The following MFN1 variants were observed in gnomAD, a reference collection of about 807,000 sequenced individuals.
MFN1 encodes mitofusin 1.
Under a neutral mutation model 92.4 loss-of-function variants are expected in MFN1, and 65 were observed. The observed-to-expected ratio is 0.70, with a 90% CI of 0.58 to 0.86. The LOEUF is 0.86. MFN1 is among the 40% of genes least tolerant of loss of function. The pLI, the probability that MFN1 is intolerant of heterozygous loss-of-function variation, is 0.00. For synonymous variants in MFN1, 297 were observed against 300.9 expected, an observed-to-expected ratio of 0.99 and a Z score of 0.13; for missense variants, 781 against 868.0, an observed-to-expected ratio of 0.90 and a Z score of 1.26.
intron 9 of MFN1, among the ~76,000 whole-genome samples, chr3:179,373,766 C>T (rs572710690): frequency 1.1e-4 from 16 of 152,034 alleles, no homozygotes; most frequent in African/African-American, 2.9e-4. Context: ...CTCCACCTTC[C>T]GGGTTCTCGC....
Position 179,351,976 on chromosome 3 carries a change from G to T in MFN1, c.189G>T (p.Lys63Asn). 6.2e-7 allele frequency: 1 copy of T among 1,610,140 alleles called. No homozygotes were observed. The highest frequency in any genetic ancestry group is 8.5e-7 in the Non-Finnish European group (1 of 1,177,136). The change falls in exon 3 of 18, where the codon AAG becomes AAT. Residue 63 changes from lysine to asparagine, a missense_variant. Coordinates refer to ENST00000471841, the MANE Select transcript of MFN1 (RefSeq NM_033540.3). Reference protein sequence around the residue: ...DLVEMQGYKDKLSIIGEVLSR... With the variant: ...DLVEMQGYKDNLSIIGEVLSR... Reference sequence around the variant, plus strand: ...TAGAAATGCAAGGATATAAAGACAAGCTTTCCATCATTGGTGAGGTGCTAT... The same window carrying T: ...TAGAAATGCAAGGATATAAAGACAATCTTTCCATCATTGGTGAGGTGCTAT...
chr3:179,367,579 G>A lies in MFN1; in HGVS notation c.894G>A (p.Gly298=). The stretch of plus-strand genomic sequence containing the variant: ...GTGCTAGAAAGCAAAAAGCACAGGG[G>A]ATGCCAGAAAGTGGTATGCATTACC... ...VLSARKQKAQ[G]MPESGVALAE... Residue 298 remains glycine (G), a synonymous_variant, in exon 8 of 18, where the codon GGG becomes GGA. Transcript: ENST00000471841. 1.2e-6 allele frequency: 2 copies of A among 1,609,492 alleles called. No homozygotes were observed. Among genetic ancestry groups the A allele is most frequent in the Middle Eastern group, 1.7e-4 (1 of 6,018 alleles).
At chr3:179,381,732 A>G (rs1713474309) in intron 14 of MFN1, among the ~76,000 whole-genome samples, 1 of 152,252 alleles carries the variant, frequency 6.6e-6, no homozygotes, top group Non-Finnish European at 1.5e-5. Context: ...GCACAAAATT[A>G]TTTAAATATT....
intron 4 of MFN1, among the ~76,000 whole-genome samples, chr3:179,359,463 C>T (rs897626749): frequency 1.4e-5 from 2 of 148,036 alleles, no homozygotes; most frequent in South Asian, 2.2e-4. Context: ...CTCTGTCACC[C>T]GGGCTAGAGT....
chr3:179,350,062 A>AGGCTC (rs1712082104), intron 2 of MFN1, among the ~76,000 whole-genome samples: 1 of 151,850 alleles, frequency 6.6e-6, no homozygotes, highest in Non-Finnish European at 1.5e-5. Flanking sequence ...TCGAGGAGGG[A>AGGCTC]GAATCGCTTG....
intron 2 of MFN1, 33 bp downstream of exon 2, chr3:179,348,996 T>C: frequency 6.5e-7 from 1 of 1,531,528 alleles, no homozygotes; most frequent in Middle Eastern, 1.7e-4. Flanking sequence ...AAGTAATTAC[T>C]GTTGAAAATA....
In MFN1 at chr3:179,352,036, G is replaced by C; in HGVS notation, c.248+1G>C. Reference sequence around the variant, plus strand: ...ACATGAAGGTGGCATTTTTTGGCAGGTAATTATTTATTATTACTTCTAAGA... The same window carrying C: ...ACATGAAGGTGGCATTTTTTGGCAGCTAATTATTTATTATTACTTCTAAGA... On this transcript the variant is annotated splice_donor_variant, in intron 3 of 17. Coordinates refer to ENST00000471841, the MANE Select transcript of MFN1 (RefSeq NM_033540.3). LOFTEE classifies it high-confidence loss of function. 6.3e-7 allele frequency: 1 copy of C among 1,584,358 alleles called. No individual in the cohort carries two copies. Among genetic ancestry groups the C allele is most frequent in the Non-Finnish European group, 8.6e-7 (1 of 1,160,056 alleles).
At chr3:179,376,694 G>GC (rs1357879923) in intron 10 of MFN1, among the ~76,000 whole-genome samples, 1 of 152,134 alleles carries the variant, frequency 6.6e-6, no homozygotes, top group Non-Finnish European at 1.5e-5. Context: ...ACAAAAGCTG[G>GC]CAGCTGGCTA....
intron 3 of MFN1, among the ~76,000 whole-genome samples, chr3:179,352,753 A>AT (rs35323423): frequency 0.32 from 47,607 of 150,218 alleles, 9,974 homozygotes; most frequent in African/African-American, 0.6. Context: ...TAAACTCAGC[A>AT]TTTTTTTTTT....
rs772728126 is a variant in MFN1 at position 179,359,017 on chromosome 3, C to A, written c.411+15C>A. ...AGAGTGTGAAGGTATGATCTTTAAC[C>A]TTTAGCAGAATAATATACCTGAAAC... is the stretch of plus-strand genomic sequence containing the variant. On this transcript the variant is annotated intron_variant, in intron 4 of 17. Transcript: ENST00000471841. 1.9e-6 allele frequency: 3 copies of A among 1,606,142 alleles called. No individual in the cohort carries two copies. The East Asian group carries it at 6.7e-5, about 36-fold the overall frequency.
In MFN1 at chr3:179,394,452, G is replaced by C. The variant is rs1487097705; in HGVS notation, c.*2393G>C. The stretch of plus-strand genomic sequence containing the variant: ...TTTTTTTGAGACGGAGTCTCGCTCT[G>C]TCGCCCAGGCTGGAGTGCAGTGGCG... On this transcript the variant is annotated 3_prime_UTR_variant, in exon 18 of 18. Transcript: ENST00000471841. The C allele has an allele frequency of 9.2e-6, 1 of 109,162 alleles. No homozygotes were observed. The highest frequency in any genetic ancestry group is 1.7e-5 in the Non-Finnish European group (1 of 59,376). 6.8% of individuals were successfully genotyped at this position (109,162 alleles called of 1,614,324 possible). A position where few individuals can be genotyped will look rare whatever the true frequency, so the allele number is the denominator to read the frequency against.
chr3:179,359,169 G>A (rs1247909192), intron 4 of MFN1, among the ~76,000 whole-genome samples, 167 bp downstream of exon 4: 1 of 151,778 alleles, frequency 6.6e-6, no homozygotes, highest in East Asian at 1.9e-4. Flanking sequence ...CGCCCAGGCT[G>A]GAGTGCAATG....
intron 17 of MFN1, among the ~76,000 whole-genome samples, chr3:179,391,674 G>T (rs1278792811): frequency 6.6e-6 from 1 of 152,128 alleles, no homozygotes; most frequent in African/African-American, 2.4e-5. Flanking sequence ...TGGGCATTTG[G>T]CTGCATCAAG....
chr3:179,377,154 G>A lies in MFN1; in HGVS notation c.1210G>A (p.Glu404Lys), dbSNP rs1464867373. The A allele has an allele frequency of 6.2e-7, 1 of 1,613,474 alleles. No individual in the cohort carries two copies. Reference sequence around the variant, plus strand: ...GAAAAAAATCAAGGAGGTTACCGAGGAGGTGGCAAACAAAGTGGGTAACAG... The same window carrying A: ...GAAAAAAATCAAGGAGGTTACCGAGAAGGTGGCAAACAAAGTGGGTAACAG... ...VKKKIKEVTEEVANKVSCAMT... is the reference protein window; with the variant it reads ...VKKKIKEVTEKVANKVSCAMT... The change falls in exon 11 of 18, where the codon GAG becomes AAG. Residue 404 changes from glutamate (E) to lysine (K), a missense_variant. Coordinates refer to ENST00000471841, the MANE Select transcript of MFN1 (RefSeq NM_033540.3).
intron 3 of MFN1, among the ~76,000 whole-genome samples, chr3:179,354,389 G>A (rs537925800): frequency 6.6e-6 from 1 of 152,336 alleles, no homozygotes; most frequent in African/African-American, 2.4e-5. Flanking sequence ...ATATATCATG[G>A]TAAGGCGTTC....
chr3:179,365,818 C>T (rs1028657317), intron 7 of MFN1, among the ~76,000 whole-genome samples: 12 of 152,170 alleles, frequency 7.9e-5, no homozygotes, highest in African/African-American at 2.7e-4. Flanking sequence ...ACGTGTTTGT[C>T]ATATGTGTCC....
intron 16 of MFN1, 49 bp from the exon 17 acceptor site, chr3:179,389,955 T>G: frequency 6.6e-7 from 1 of 1,510,978 alleles, no homozygotes; most frequent in Non-Finnish European, 8.9e-7. Flanking sequence ...AATTAAAGCT[T>G]ATTCATTTTT....
chr3:179,375,103 T>A (rs1026658105), intron 9 of MFN1, 117 bp from the exon 10 acceptor site: 15 of 1,185,258 alleles, frequency 1.3e-5, no homozygotes, highest in Non-Finnish European at 1.6e-5. Flanking sequence ...CACTCATTTG[T>A]TTTCTATCTT....
chr3:179,348,933 T>G lies in MFN1; in HGVS notation c.82T>G (p.Phe28Val). ...ITAIFDQLLE[F>V]VTEGSHFVEA... ...TGCAATCTTTGACCAGTTACTGGAG[T>G]TTGTTACTGAAGGATCACATTTTGT... The change falls in exon 2 of 18, where the codon TTT (phenylalanine) becomes GTT (valine). Residue 28 changes from phenylalanine to valine, a missense_variant. Phe to Val is a conservative substitution (Grantham distance 50, BLOSUM62 -1). Transcript: ENST00000471841. 6.3e-7 allele frequency: 1 copy of G among 1,596,578 alleles called. No individual in the cohort carries two copies. The highest frequency in any genetic ancestry group is 8.6e-7 in the Non-Finnish European group (1 of 1,166,132).
Sources: gnomAD v4.1 joint callset for allele counts (sites outside exome capture counted in the v4.1 genomes callset) on GRCh38, gnomAD v4.1.1 for gene constraint, MANE v1.5 for transcripts, NCBI Gene and HGNC (gene_info 2026-07-23, HGNC 2026-07-21) for gene names.